POU2F3: variants seen among roughly 807,000 people sequenced by gnomAD.
The protein encoded by POU2F3 is POU domain, class 2, transcription factor 3.
A neutral mutation model predicts 59.2 loss-of-function variants in POU2F3; 23 were observed. That is an observed-to-expected ratio of 0.39 (90% CI 0.28 to 0.55). The LOEUF (loss-of-function observed/expected upper bound fraction) is 0.55, where lower values mean the gene tolerates loss of function less well. Among genes scored for constraint, POU2F3 ranks in the 20% least tolerant of loss-of-function variants. POU2F3 has a pLI of 0.66. For synonymous variants in POU2F3, 190 were observed against 214.6 expected (o/e 0.89, Z 1.00); for missense variants, 473 against 544.5 (o/e 0.87, Z 1.31).
At chr11:120,315,987 C>T (rs1347793934) in intron 11 of POU2F3, among the ~76,000 whole-genome samples, 1 of 151,676 alleles carries the variant, frequency 6.6e-6, no homozygotes, top group African/African-American at 2.4e-5. Flanking sequence ...ATTCTTCTGC[C>T]ACAGCCTCCC....
chr11:120,315,865 CTTTTTTTTT>C (rs34115412), intron 11 of POU2F3, among the ~76,000 whole-genome samples: 5 of 73,046 alleles, frequency 6.8e-5, no homozygotes, highest in Admixed American at 1.5e-4. Context: ...CTTCCTTCCA[CTTTTTTTTT>C]TTTTTTTTTT....
upstream of POU2F3, among the ~76,000 whole-genome samples, chr11:120,237,960 G>C (rs1181773653): frequency 6.6e-6 from 1 of 152,198 alleles, no homozygotes; most frequent in Non-Finnish European, 1.5e-5. Flanking sequence ...AAGAAAAAGT[G>C]CAGGGGACGG....
intron 4 of POU2F3, among the ~76,000 whole-genome samples, chr11:120,298,957 G>C (rs11603629): frequency 6.6e-6 from 1 of 152,126 alleles, no homozygotes; most frequent in South Asian, 2.1e-4. Context: ...GGGCTTCTCA[G>C]GTCTTCTCTA....
At chr11:120,267,843 T>G (rs1939900331) in intron 2 of POU2F3, among the ~76,000 whole-genome samples, 1 of 75,064 alleles carries the variant, frequency 1.3e-5, no homozygotes, top group South Asian at 9.5e-4. Flanking sequence ...ATATGCTGCG[T>G]AGTGCTGGGC....
chr11:120,236,881 G>T (rs1169996017), upstream of POU2F3, among the ~76,000 whole-genome samples: 3 of 152,234 alleles, frequency 2.0e-5, no homozygotes, highest in Admixed American at 2.0e-4. Context: ...GGAGAAGCAG[G>T]GAAGAGTAGA....
intron 2 of POU2F3, among the ~76,000 whole-genome samples, chr11:120,252,206 CTTTT>C (rs1157582096): frequency 8.0e-6 from 1 of 124,800 alleles, no homozygotes. Flanking sequence ...TTCTGCTTTT[CTTTT>C]TTTTTTTTTT....
intron 10 of POU2F3, 100 bp from the exon 11 acceptor site, chr11:120,315,261 C>G (rs1443907811): frequency 1.8e-6 from 2 of 1,126,282 alleles, no homozygotes; most frequent in Non-Finnish European, 2.7e-6. Context: ...AAGCCAAGCC[C>G]TGGTCTCTGT....
At chr11:120,254,523 CA>C in intron 2 of POU2F3, among the ~76,000 whole-genome samples, 1 of 152,310 alleles carries the variant, frequency 6.6e-6, no homozygotes, top group Admixed American at 6.5e-5. Context: ...AGGGCTTGCC[CA>C]GGATGACCCA....
intron 10 of POU2F3, among the ~76,000 whole-genome samples, chr11:120,311,884 T>C (rs890234913): frequency 3.9e-5 from 6 of 152,000 alleles, no homozygotes; most frequent in African/African-American, 1.2e-4. Context: ...GGAAAGAAAC[T>C]GAGAAGGAGG....
At chr11:120,263,752 G>T (rs941168757) in intron 2 of POU2F3, among the ~76,000 whole-genome samples, 1 of 152,072 alleles carries the variant, frequency 6.6e-6, no homozygotes, top group African/African-American at 2.4e-5. Context: ...TAATGCTGCT[G>T]GCCATATGTG....
At chr11:120,259,059 TGCAGCAGA>T (rs1939484120) in intron 2 of POU2F3, 1 of 152,264 alleles carries the variant, frequency 6.6e-6, no homozygotes, top group African/African-American at 2.4e-5. Flanking sequence ...CAAAGGTGGG[TGCAGCAGA>T]GCTCCTCTGT....
intron 6 of POU2F3, 48 bp downstream of exon 6, chr11:120,302,416 C>T (rs957510425): frequency 1.7e-5 from 26 of 1,518,488 alleles, no homozygotes; most frequent in Non-Finnish European, 2.0e-5. Context: ...TCTCAGCTCT[C>T]ACTGAGTTTA....
intron 2 of POU2F3, among the ~76,000 whole-genome samples, chr11:120,258,647 T>C (rs1939457048): frequency 6.6e-6 from 1 of 152,224 alleles, no homozygotes; most frequent in Admixed American, 6.5e-5. Flanking sequence ...GTTGGACTTT[T>C]ACTATTTTTC....
upstream of POU2F3, among the ~76,000 whole-genome samples, chr11:120,238,132 C>T (rs994184073): frequency 1.1e-4 from 17 of 151,968 alleles, no homozygotes; most frequent in Non-Finnish European, 4.4e-5. Flanking sequence ...CCCAGCTACT[C>T]GGGAGGCTGA....
chr11:120,269,801 G>A (rs1225239502), intron 3 of POU2F3, among the ~76,000 whole-genome samples: 1 of 152,186 alleles, frequency 6.6e-6, no homozygotes, highest in Admixed American at 6.5e-5. Flanking sequence ...AGTTAGGAAG[G>A]GCTTTGGGCA....
chr11:120,302,183 C>G (rs1941366386), intron 5 of POU2F3, 103 bp from the exon 6 acceptor site: 2 of 959,842 alleles, frequency 2.1e-6, no homozygotes, highest in Middle Eastern at 2.1e-4. Context: ...GATCAGGTGG[C>G]AGGGGGTGGG....
chr11:120,256,240 A>C (rs1293019003), intron 2 of POU2F3: 3 of 152,200 alleles, frequency 2.0e-5, no homozygotes, highest in Non-Finnish European at 4.4e-5. Context: ...ACTTTGGGGT[A>C]GTTACTTAAA....
rs147477605 is a variant in POU2F3, at chr11:120,262,197, A to G, written c.98-7013A>G. On this transcript the variant is annotated intron_variant, in intron 2 of 12. Transcript: ENST00000543440. ...ACCTTTTCAACTTTTATTTTGAAAA[A>G]TTTCAGACATACAGAAAAAGGAAAA... 1.7e-3 allele frequency among the ~76,000 whole-genome samples: 252 copies of G among 152,318 alleles called. 2 individuals are homozygous for G. The highest frequency in any genetic ancestry group is 5.8e-3 in the African/African-American group (242 of 41,574).
chr11:120,237,485 A>G (rs1197381129), upstream of POU2F3, among the ~76,000 whole-genome samples: 2 of 152,102 alleles, frequency 1.3e-5, no homozygotes, highest in African/African-American at 4.8e-5. Flanking sequence ...CCAGAACCCC[A>G]GAATCCTAGG....
Sources: gnomAD v4.1 joint callset for allele counts (sites outside exome capture counted in the v4.1 genomes callset) on GRCh38, gnomAD v4.1.1 for gene constraint, MANE v1.5 for transcripts, NCBI Gene and HGNC (gene_info 2026-07-23, HGNC 2026-07-21) for gene names.